Variants in TNIP1 observed in about 807,000 individuals in gnomAD.
The protein encoded by TNIP1 is TNFAIP3 interacting protein 1, also known as TNFAIP3-interacting protein 1.
TNIP1 carries 22 observed loss-of-function variants against 86.6 expected under a neutral mutation model. The observed-to-expected ratio is 0.25, with a 90% CI of 0.18 to 0.36. TNIP1 has a LOEUF of 0.36. TNIP1 is among the 10% of genes least tolerant of loss of function. TNIP1 has a pLI of 1.00. For synonymous variants in TNIP1, 294 were observed against 313.0 expected (o/e 0.94, Z 0.64); for missense variants, 709 against 820.6 (o/e 0.86, Z 1.66).
intron 1 of TNIP1, among the ~76,000 whole-genome samples, chr5:151,066,065 GC>G (rs1379626032): frequency 6.6e-6 from 1 of 152,222 alleles, no homozygotes; most frequent in African/African-American, 2.4e-5. Context: ...CAGTCTGGGT[GC>G]TGAGGAATTA....
intron 1 of TNIP1, among the ~76,000 whole-genome samples, chr5:151,067,482 A>T (rs1256775954): frequency 6.6e-6 from 1 of 152,220 alleles, no homozygotes; most frequent in African/African-American, 2.4e-5. Context: ...GTTCAAGAAC[A>T]GTGAAACAGA....
chr5:151,055,923 G>A (rs750681970), intron 6 of TNIP1, among the ~76,000 whole-genome samples: 3 of 152,102 alleles, frequency 2.0e-5, no homozygotes, highest in Non-Finnish European at 2.9e-5. Flanking sequence ...ACACTTCCCC[G>A]CTGCTAAAGC....
At chr5:151,054,353 A>C (rs1760367321) in intron 6 of TNIP1, among the ~76,000 whole-genome samples, 1 of 152,142 alleles carries the variant, frequency 6.6e-6, no homozygotes, top group South Asian at 2.1e-4. Context: ...CTTCAACTGG[A>C]GGTGGCTGGA....
intron 9 of TNIP1, among the ~76,000 whole-genome samples, chr5:151,045,500 C>T (rs1307072025): frequency 6.6e-6 from 1 of 152,164 alleles, no homozygotes; most frequent in Admixed American, 6.5e-5. Context: ...TAAAGCATCT[C>T]TCAAGGGTCC....
intron 1 of TNIP1, among the ~76,000 whole-genome samples, chr5:151,068,970 G>A (rs993454195): frequency 2.0e-5 from 3 of 152,248 alleles, no homozygotes; most frequent in African/African-American, 7.2e-5. Context: ...CTCAGCCAGC[G>A]GGGCCTCCAC....
chr5:151,070,320 AT>A (rs1191656221), intron 1 of TNIP1, among the ~76,000 whole-genome samples: 4 of 152,222 alleles, frequency 2.6e-5, no homozygotes, highest in Non-Finnish European at 5.9e-5. Context: ...CTAGCTCAGC[AT>A]TTGACACACA....
chr5:151,035,171 C>T, intron 14 of TNIP1, 104 bp from the exon 15 acceptor site: 2 of 1,318,306 alleles, frequency 1.5e-6, no homozygotes, highest in Middle Eastern at 2.3e-4. Flanking sequence ...GCTGATGCTT[C>T]CCTCTGGGCC....
intron 16 of TNIP1, among the ~76,000 whole-genome samples, chr5:151,033,060 A>G (rs1197141622): frequency 7.5e-6 from 1 of 132,484 alleles, no homozygotes; most frequent in African/African-American, 2.8e-5. Context: ...TGGGAGGCAG[A>G]GGTTGCAATG....
At chr5:151,077,675 C>T (rs1055999116) in intron 1 of TNIP1, among the ~76,000 whole-genome samples, 3 of 152,202 alleles carry the variant, frequency 2.0e-5, no homozygotes, top group Non-Finnish European at 4.4e-5. Context: ...GGCACTGGCA[C>T]CACCACCATC....
chr5:151,060,488 T>C, intron 4 of TNIP1, 93 bp from the exon 5 acceptor site: 5 of 1,107,772 alleles, frequency 4.5e-6, no homozygotes, highest in African/African-American at 1.5e-5. Context: ...GGGGACAAAA[T>C]CTCTTCCCAT....
At chr5:151,043,042 G>A (rs150924413) in intron 9 of TNIP1, 81 bp from the exon 10 acceptor site, 145 of 1,417,304 alleles carry the variant, frequency 1.0e-4, no homozygotes, top group Admixed American at 8.1e-4. Context: ...GTACACCAGC[G>A]TCCCAAGGTG....
intron 5 of TNIP1, among the ~76,000 whole-genome samples, chr5:151,059,856 TGTGTGTGTGTGCGCGC>T (rs1255909660): frequency 1.0e-4 from 10 of 100,126 alleles, no homozygotes; most frequent in African/African-American, 3.2e-4. Context: ...TGTGTGTGTG[TGTGTGTGTGTGCGCGC>T]GCGCGCGCGC....
At chr5:151,039,344 A>C in intron 11 of TNIP1, 119 bp from the exon 12 acceptor site, 79 of 1,165,264 alleles carry the variant, frequency 6.8e-5, no homozygotes, top group East Asian at 1.1e-4. Flanking sequence ...CACAATGCTC[A>C]CATGCAAAGC....
At chr5:151,057,325 CCT>C (rs935844855) in intron 5 of TNIP1, among the ~76,000 whole-genome samples, 1 of 152,076 alleles carries the variant, frequency 6.6e-6, no homozygotes, top group Non-Finnish European at 1.5e-5. Context: ...TGAATTGACC[CCT>C]GACAGTAACA....
intron 13 of TNIP1, 101 bp from the exon 14 acceptor site, chr5:151,035,808 C>T (rs575114789): frequency 2.3e-4 from 346 of 1,511,010 alleles, no homozygotes; most frequent in Admixed American, 3.0e-4. Context: ...TCACAGATGG[C>T]AGAGCTGGGG....
intron 4 of TNIP1, among the ~76,000 whole-genome samples, chr5:151,061,345 T>TCTA (rs1761539903): frequency 6.6e-6 from 1 of 152,134 alleles, no homozygotes; most frequent in Non-Finnish European, 1.5e-5. Context: ...CCCTCCTCCA[T>TCTA]CTACATTTTC....
intron 1 of TNIP1, among the ~76,000 whole-genome samples, chr5:151,068,584 G>A (rs1862363): frequency 0.059 from 8,980 of 152,232 alleles, 464 homozygotes; most frequent in African/African-American, 0.14. Flanking sequence ...AGTATCTGGA[G>A]TTCAGAGCCC....
chr5:151,077,217 G>A (rs192852872), intron 1 of TNIP1, among the ~76,000 whole-genome samples: 25 of 152,216 alleles, frequency 1.6e-4, no homozygotes, highest in East Asian at 5.8e-4. Flanking sequence ...CTAACCTCCC[G>A]TCCCCCTACC....
At chr5:151,072,075 A>G (rs888839556) in intron 1 of TNIP1, among the ~76,000 whole-genome samples, 7 of 152,260 alleles carry the variant, frequency 4.6e-5, no homozygotes, top group Admixed American at 1.3e-4. Flanking sequence ...ATGAGGAAGC[A>G]GACTCAGAGA....
Sources: allele counts gnomAD v4.1 joint callset (sites outside exome capture counted in the v4.1 genomes callset), GRCh38; gene constraint gnomAD v4.1.1; transcripts MANE v1.5; gene names NCBI Gene and HGNC (gene_info 2026-07-23, HGNC 2026-07-21).